FAM240B: variants seen among roughly 807,000 people sequenced by gnomAD.
FAM240B encodes family with sequence similarity 240 member B.
At chr9:38,697,762 A>G (rs1236063766) in intron 2 of FAM240B, among the ~76,000 whole-genome samples, 4 of 152,352 alleles carry the variant, frequency 2.6e-5, no homozygotes, top group African/African-American at 9.6e-5. Context: ...AAAGTACTAC[A>G]TGATGAGGTG....
At chr9:38,709,796 A>G (rs1339056174) in intron 1 of FAM240B, among the ~76,000 whole-genome samples, 1 of 152,246 alleles carries the variant, frequency 6.6e-6, no homozygotes, top group Non-Finnish European at 1.5e-5. Context: ...TACATGAGCA[A>G]CTTTTCAAAC....
chr9:38,703,606 C>T (rs1394170585), intron 2 of FAM240B, among the ~76,000 whole-genome samples: 1 of 152,264 alleles, frequency 6.6e-6, no homozygotes, highest in Non-Finnish European at 1.5e-5. Flanking sequence ...CCCTGTGGGA[C>T]ATGCATGTGT....
chr9:38,708,031 A>C (rs1821210851), intron 1 of FAM240B, among the ~76,000 whole-genome samples: 1 of 152,158 alleles, frequency 6.6e-6, no homozygotes. Flanking sequence ...CACTGGGAGC[A>C]GTGGCACTAG....
chr9:38,709,537 C>A (rs895952944), intron 1 of FAM240B, among the ~76,000 whole-genome samples: 4 of 152,162 alleles, frequency 2.6e-5, no homozygotes, highest in African/African-American at 9.7e-5. Flanking sequence ...TAGCTCTATG[C>A]CATATGCATA....
intron 1 of FAM240B, among the ~76,000 whole-genome samples, chr9:38,719,785 A>G (rs987239992): frequency 2.6e-5 from 4 of 152,210 alleles, no homozygotes; most frequent in Admixed American, 6.5e-5. Flanking sequence ...ACTCTTTAAC[A>G]TGAAATTTCT....
rs1305842216 is a variant in FAM240B, at chr9:38,694,826, T to C, written c.187A>G (p.Met63Val). 7 of 398,670 alleles carry C rather than the reference T, an allele frequency of 1.8e-5. No individual in the cohort carries two copies. Among genetic ancestry groups the C allele is most frequent in the Non-Finnish European group, 3.1e-5 (7 of 226,232 alleles). The allele number at this position is 398,670 out of a possible 1,614,324, so 24.7% of individuals were successfully genotyped here. A position where few individuals can be genotyped will look rare whatever the true frequency, so the allele number is the denominator to read the frequency against. Residue 63 changes from methionine to valine, a missense_variant, in exon 3 of 3, where the codon ATG (methionine) becomes GTG (valine). Physicochemically the swap from Met to Val is conservative, Grantham distance 21 (BLOSUM62 1). Transcript: ENST00000637493. ...WRQRLERRLR[M>V]LDNPVEKEKP... ...TCCTTCTCAACAGGGTTGTCCAGCA[T>C]CCTCAGCCTCCTCTCCAGCCTCTGC...
intron 2 of FAM240B, among the ~76,000 whole-genome samples, 190 bp downstream of exon 2, chr9:38,703,667 C>G (rs1327854289): frequency 6.6e-6 from 1 of 152,206 alleles, no homozygotes; most frequent in African/African-American, 2.4e-5. Context: ...CCTTCCAAGT[C>G]TTGCTCCCAT....
At chr9:38,713,477 CAAACAA>C (rs1318028452) in intron 1 of FAM240B, among the ~76,000 whole-genome samples, 23 of 13,954 alleles carry the variant, frequency 1.6e-3, no homozygotes, top group African/African-American at 3.4e-3. Flanking sequence ...GACTCCGTTT[CAAACAA>C]AAAAAAAAAA....
At chr9:38,716,920 T>G (rs565177015) in intron 1 of FAM240B, among the ~76,000 whole-genome samples, 13 of 152,194 alleles carry the variant, frequency 8.5e-5, no homozygotes, top group African/African-American at 2.9e-4. Flanking sequence ...TGAGTGAGAA[T>G]AGAATTGTGG....
At chr9:38,715,233 G>A (rs1322918992) in intron 1 of FAM240B, among the ~76,000 whole-genome samples, 1 of 152,146 alleles carries the variant, frequency 6.6e-6, no homozygotes, top group Non-Finnish European at 1.5e-5. Context: ...CATGTGTCCA[G>A]GACTAGGAGT....
intron 2 of FAM240B, among the ~76,000 whole-genome samples, chr9:38,702,393 C>A (rs974234410): frequency 3.3e-5 from 5 of 152,186 alleles, no homozygotes; most frequent in African/African-American, 1.2e-4. Flanking sequence ...GTTTTCAGCT[C>A]AGCATGCACC....
At chr9:38,716,825 AAT>A (rs1210119987) in intron 1 of FAM240B, among the ~76,000 whole-genome samples, 1 of 152,206 alleles carries the variant, frequency 6.6e-6, no homozygotes, top group African/African-American at 2.4e-5. Context: ...GACTTCCCAA[AAT>A]AGCTGCGTTT....
chr9:38,706,342 G>A (rs1290143347), intron 1 of FAM240B, among the ~76,000 whole-genome samples: 2 of 152,140 alleles, frequency 1.3e-5, no homozygotes, highest in Non-Finnish European at 2.9e-5. Context: ...TCTTCCCACC[G>A]CTCCCGGACA....
intron 1 of FAM240B, among the ~76,000 whole-genome samples, chr9:38,715,541 G>A (rs1369720370): frequency 1.3e-5 from 2 of 152,222 alleles, no homozygotes; most frequent in Admixed American, 6.5e-5. Flanking sequence ...GTTTCAAACA[G>A]ACACTGCCAC....
chr9:38,703,531 C>T (rs144340447), intron 2 of FAM240B, among the ~76,000 whole-genome samples: 1,625 of 152,306 alleles, frequency 0.011, 26 homozygotes, highest in African/African-American at 0.036. Context: ...CCAATAAAGA[C>T]TCTGGCTAAG....
At chr9:38,697,200 G>A (rs1334469083) in intron 2 of FAM240B, among the ~76,000 whole-genome samples, 1 of 152,232 alleles carries the variant, frequency 6.6e-6, no homozygotes, top group African/African-American at 2.4e-5. Context: ...CCACTCAGAT[G>A]TAAGGAGCAA....
intron 1 of FAM240B, among the ~76,000 whole-genome samples, chr9:38,711,660 T>TC (rs1821256861): frequency 5.8e-4 from 3 of 5,176 alleles, no homozygotes; most frequent in African/African-American, 1.8e-3. Flanking sequence ...TTTCTTCTTC[T>TC]TTTTTTTTTT....
chr9:38,698,950 A>T (rs1203310696), intron 2 of FAM240B, among the ~76,000 whole-genome samples: 4 of 152,218 alleles, frequency 2.6e-5, no homozygotes, highest in Non-Finnish European at 5.9e-5. Context: ...ATAAAAATTT[A>T]TATGTAGGGC....
chr9:38,718,104 G>A, intron 1 of FAM240B, among the ~76,000 whole-genome samples: 1 of 152,120 alleles, frequency 6.6e-6, no homozygotes, highest in East Asian at 1.9e-4. Context: ...GAAAATATTT[G>A]CTTGTCAGCA....
Sources: gnomAD v4.1 joint callset for allele counts (sites outside exome capture counted in the v4.1 genomes callset) on GRCh38, gnomAD v4.1.1 for gene constraint, MANE v1.5 for transcripts, NCBI Gene and HGNC (gene_info 2026-07-23, HGNC 2026-07-21) for gene names.